OFD1: variants seen among roughly 807,000 people sequenced by gnomAD.
OFD1 encodes OFD1 centriole and centriolar satellite protein.
In OFD1, 12 loss-of-function variants were observed where a neutral mutation model predicts 81.4. That is an observed-to-expected ratio of 0.15 (90% CI 0.09 to 0.24). OFD1 has a LOEUF of 0.24. Among genes scored for constraint, OFD1 ranks in the 10% least tolerant of loss-of-function variants. The pLI is 1.00. For missense variants in OFD1, 685 were observed against 733.9 expected, an observed-to-expected ratio of 0.93 and a Z score of 0.77; for synonymous variants, 256 against 263.7, an observed-to-expected ratio of 0.97 and a Z score of 0.28.
rs575931559 is a variant in OFD1 at position 13,754,688 on chromosome X, G to A, written c.1130-463G>A. On this transcript the variant is annotated intron_variant, in intron 11 of 22. Coordinates refer to ENST00000340096, the MANE Select transcript of OFD1 (RefSeq NM_003611.3). ...CTCCCAAAGTGCTGGGATTACAGGC[G>A]TGAGCCACTGTGCCCAGCCCCTTTT... Among the ~76,000 whole-genome samples, 8 of 112,723 alleles carry A rather than the reference G, an allele frequency of 7.1e-5. 1 individual carries two copies. The East Asian group carries it at 1.4e-3, about 20-fold the overall frequency.
At chrX:13,763,410 A>C (rs1293067716) in intron 18 of OFD1, among the ~76,000 whole-genome samples, 1 of 112,869 alleles carries the variant, frequency 8.9e-6, no homozygotes, top group Non-Finnish European at 1.9e-5. Context: ...TATTTGTTAA[A>C]GTCTTTGTGT....
chrX:13,768,990 T>C, intron 22 of OFD1, 76 bp from the exon 23 acceptor site: 1 of 841,856 alleles, frequency 1.2e-6, no homozygotes, highest in Non-Finnish European at 1.8e-6. Context: ...AGGGAAGGAA[T>C]TGAGAACATT....
At chrX:13,762,605 A>G (rs1238162094) in intron 18 of OFD1, among the ~76,000 whole-genome samples, 161 bp downstream of exon 18, 1 of 112,512 alleles carries the variant, frequency 8.9e-6, no homozygotes, top group Non-Finnish European at 1.9e-5. Flanking sequence ...TCATTTTTCT[A>G]CCATGATGAT....
At chrX:13,773,207 G>A (rs1420337073), downstream of OFD1, 10 of 331,784 alleles carry the variant, frequency 3.0e-5, no homozygotes, top group East Asian at 2.6e-4. Context: ...AGTTGGCTTC[G>A]CATTAAAAGG....
At chrX:13,719,716 A>G in the OFD1 span, among the ~76,000 whole-genome samples, 3 of 112,059 alleles carry the variant, frequency 2.7e-5, no homozygotes, top group South Asian at 7.4e-4. Context: ...AAACATCTCC[A>G]AGGACATACC....
chrX:13,752,633 A>G, intron 10 of OFD1: 2 of 909,654 alleles, frequency 2.2e-6, no homozygotes, highest in Non-Finnish European at 2.8e-6. Flanking sequence ...TTAGGAATAA[A>G]TGAATTAAAG....
At chrX:13,729,918 A>T (rs758142784), upstream of OFD1, among the ~76,000 whole-genome samples, 1 of 111,548 alleles carries the variant, frequency 9.0e-6, no homozygotes, top group Non-Finnish European at 1.9e-5. Flanking sequence ...CAAAAAACAA[A>T]AAACAAACAA....
At chrX:13,739,702 C>G (rs1469976815) in intron 5 of OFD1, 1 of 298,289 alleles carries the variant, frequency 3.4e-6, no homozygotes, top group Non-Finnish European at 4.5e-6. Flanking sequence ...GAGCTGAGAT[C>G]ACGCCATTGC....
At chrX:13,772,714 A>AC (rs2048323642), downstream of OFD1, 1 of 365,604 alleles carries the variant, frequency 2.7e-6, no homozygotes, top group African/African-American at 2.6e-5. Flanking sequence ...AAAAAGATTT[A>AC]CCCACTGGAA....
In OFD1 at chrX:13,739,002, G is replaced by A. The variant is rs766600036; in HGVS notation, c.382G>A (p.Val128Ile). Reference sequence around the variant, plus strand: ...AAAGTGAAATATTTTCTTTTAACAGGTTTCAGGATCTGATAAAGAAAATCA... The same window carrying A: ...AAAGTGAAATATTTTCTTTTAACAGATTTCAGGATCTGATAAAGAAAATCA... ...NPTSSLYKSL[V>I]SGSDKENQKG... The change falls in exon 5 of 23, where the codon GTT becomes ATT. Residue 128 changes from valine to isoleucine, a missense_variant and splice_region_variant. This residue lies in a region of OFD1 where 414 missense variants were observed against 447.2 expected (regional missense o/e 0.93). Coordinates refer to ENST00000340096, the MANE Select transcript of OFD1 (RefSeq NM_003611.3). 6.7e-6 allele frequency: 8 copies of A among 1,202,374 alleles called. No homozygotes were observed. Among genetic ancestry groups the A allele is most frequent in the Non-Finnish European group, 9.0e-6 (8 of 887,804 alleles).
intron 10 of OFD1, 51 bp downstream of exon 10, chrX:13,751,419 G>T (rs1174839133): frequency 9.8e-7 from 1 of 1,023,895 alleles, no homozygotes; most frequent in Non-Finnish European, 1.3e-6. Context: ...TAAATTGGTA[G>T]AAACATAACA....
At position 13,735,066 on chromosome X, in the gene OFD1, C is replaced by T; in HGVS notation, c.-6C>T. On this transcript the variant is annotated 5_prime_UTR_variant, in exon 1 of 23. It adds an upstream start codon to the 5' untranslated region. Coordinates refer to ENST00000340096, the MANE Select transcript of OFD1 (RefSeq NM_003611.3). ...CGAGGCGGGCTCCGGAGGGAGCTGA[C>T]GCCTGATGATGGCGCAGGTAGACAC... is the stretch of plus-strand genomic sequence containing the variant. 8.4e-7 allele frequency: 1 copy of T among 1,194,769 alleles called. No individual in the cohort carries two copies. The highest frequency in any genetic ancestry group is 1.8e-5 in the South Asian group (1 of 56,086).
At chrX:13,746,583 A>T (rs761577699) in intron 7 of OFD1, 128 bp downstream of exon 7, 4 of 835,380 alleles carry the variant, frequency 4.8e-6, no homozygotes, top group African/African-American at 2.1e-5. Context: ...TGTTGTGCAA[A>T]TTTTTTTTTA....
chrX:13,772,799 G>C, downstream of OFD1: 1 of 919,473 alleles, frequency 1.1e-6, no homozygotes, highest in East Asian at 3.1e-5. Flanking sequence ...AGTTTGGTGG[G>C]ATACACATCT....
At chrX:13,729,296 T>C in the OFD1 span, among the ~76,000 whole-genome samples, 1 of 111,536 alleles carries the variant, frequency 9.0e-6, no homozygotes, top group Non-Finnish European at 1.9e-5. Flanking sequence ...GCCAAGACAA[T>C]CCTCAGCCAA....
At chrX:13,715,514 C>T in the OFD1 span, 2 of 114,953 alleles carry the variant, frequency 1.7e-5, no homozygotes, top group South Asian at 3.4e-4. Context: ...GTAACCATGA[C>T]GTCCTATTAT....
At chrX:13,716,774 T>TG in the OFD1 span, 6 of 976,608 alleles carry the variant, frequency 6.1e-6, no homozygotes, top group Middle Eastern at 2.7e-4. Flanking sequence ...GGTTTTCTTG[T>TG]GGGGAAAAAA....
chrX:13,773,012 G>A (rs778396652), downstream of OFD1: 73 of 1,208,412 alleles, frequency 6.0e-5, no homozygotes, highest in Non-Finnish European at 7.8e-5. Context: ...TTAGAAGACA[G>A]TATCATGAGG....
intron 15 of OFD1, 120 bp from the exon 16 acceptor site, chrX:13,759,993 CTG>C (rs1378810180): frequency 6.9e-5 from 60 of 872,802 alleles, no homozygotes; most frequent in East Asian, 2.6e-4. Flanking sequence ...GCTTCAGAAA[CTG>C]TATAGTGCAA....
Sources: gnomAD v4.1 joint callset for allele counts (sites outside exome capture counted in the v4.1 genomes callset) on GRCh38, gnomAD v4.1.1 for gene constraint, gnomAD v4.1.1 regional missense constraint, MANE v1.5 for transcripts, NCBI Gene and HGNC (gene_info 2026-07-23, HGNC 2026-07-21) for gene names.